CHCHD6: variants seen among roughly 807,000 people sequenced by gnomAD.
CHCHD6 encodes the protein MICOS complex subunit MIC25.
Under a neutral mutation model 32.3 loss-of-function variants are expected in CHCHD6, and 28 were observed. That is an observed-to-expected ratio of 0.87 (90% confidence interval 0.64 to 1.19). The LOEUF (loss-of-function observed/expected upper bound fraction) is 1.19. Among genes scored for constraint, CHCHD6 ranks in the 50% most tolerant of loss-of-function variants. The pLI is 0.00. For synonymous variants in CHCHD6, 122 were observed against 117.5 expected (o/e 1.04, Z -0.25); for missense variants, 333 against 307.0 (o/e 1.08, Z -0.63).
chr3:126,764,247 A>G (rs1937275232), intron 4 of CHCHD6, among the ~76,000 whole-genome samples: 1 of 149,660 alleles, frequency 6.7e-6, no homozygotes. Context: ...TAATACAATT[A>G]CAGCACTAAA....
Position 126,960,405 on chromosome 3 carries a change from G to T in CHCHD6, c.*204G>T. On this transcript the variant is annotated 3_prime_UTR_variant, in exon 8 of 8. Transcript: ENST00000290913. ...GCAGATGCCTTTGTTTTCAGTCGTT[G>T]ACTCACTGGCAAACAGTCACTGCTG... The T allele has an allele frequency of 1.6e-6, 1 of 614,458 alleles. No individual in the cohort carries two copies. Among genetic ancestry groups the T allele is most frequent in the Non-Finnish European group, 2.9e-6 (1 of 346,364 alleles). The allele number at this position is 614,458 out of a possible 1,614,324, so 38.1% of individuals were successfully genotyped here.
chr3:126,815,381 C>T (rs963733467), intron 4 of CHCHD6, among the ~76,000 whole-genome samples: 12 of 152,170 alleles, frequency 7.9e-5, no homozygotes, highest in African/African-American at 2.4e-4. Context: ...CAGATCCACA[C>T]CGCAGCATGG....
intron 5 of CHCHD6, among the ~76,000 whole-genome samples, chr3:126,861,102 T>C (rs964863011): frequency 6.6e-6 from 1 of 152,146 alleles, no homozygotes. Flanking sequence ...GTTTATGTAA[T>C]AAAGGACATA....
chr3:126,715,282 C>T (rs1212496622), intron 1 of CHCHD6, among the ~76,000 whole-genome samples: 1 of 152,178 alleles, frequency 6.6e-6, no homozygotes, highest in African/African-American at 2.4e-5. Flanking sequence ...GCACTTCCCA[C>T]GTTCCACCTC....
intron 4 of CHCHD6, among the ~76,000 whole-genome samples, chr3:126,789,557 C>T (rs888489301): frequency 2.0e-5 from 3 of 152,138 alleles, no homozygotes; most frequent in South Asian, 4.2e-4. Flanking sequence ...TGTTGAATTG[C>T]ACCCTTTACC....
intron 4 of CHCHD6, among the ~76,000 whole-genome samples, chr3:126,775,215 T>C (rs865787903): frequency 6.6e-6 from 1 of 152,228 alleles, no homozygotes; most frequent in Non-Finnish European, 1.5e-5. Context: ...CAGTTTACGT[T>C]CCTACCAGCA....
intron 1 of CHCHD6, among the ~76,000 whole-genome samples, chr3:126,706,444 T>C (rs1934492126): frequency 6.6e-6 from 1 of 152,126 alleles, no homozygotes; most frequent in Non-Finnish European, 1.5e-5. Context: ...CCCCCCATGA[T>C]GTATGCAAGG....
chr3:126,803,678 T>C (rs1382858664), intron 4 of CHCHD6, among the ~76,000 whole-genome samples: 1 of 152,140 alleles, frequency 6.6e-6, no homozygotes, highest in Non-Finnish European at 1.5e-5. Context: ...TTAACAAGGA[T>C]ACCCAGGAAT....
chr3:126,790,687 G>A (rs562673399), intron 4 of CHCHD6, among the ~76,000 whole-genome samples: 1 of 152,192 alleles, frequency 6.6e-6, no homozygotes, highest in Admixed American at 6.5e-5. Context: ...GTCATTTAAG[G>A]CCTTCTCTAC....
intron 4 of CHCHD6, among the ~76,000 whole-genome samples, chr3:126,793,437 A>C (rs975876398): frequency 2.0e-5 from 3 of 152,138 alleles, no homozygotes; most frequent in African/African-American, 7.2e-5. Context: ...TACTTACCAC[A>C]GTCTACTGTA....
At chr3:126,770,035 A>G (rs556561165) in intron 4 of CHCHD6, among the ~76,000 whole-genome samples, 1 of 151,982 alleles carries the variant, frequency 6.6e-6, no homozygotes, top group African/African-American at 2.4e-5. Flanking sequence ...TTGTTTTGTA[A>G]TTCTCATTGT....
rs202046168 is a variant in CHCHD6 at position 126,835,521 on chromosome 3, A to ACACCTGGC, written c.412-17124_412-17117dup. Reference sequence around the variant, plus strand: ...ATTCTCTGGGCATGGAAGACCACACACACCTGGCCGGCTCTGCTCAGTTCA... The same window carrying ACACCTGGC: ...ATTCTCTGGGCATGGAAGACCACACACACCTGGCCACCTGGCCGGCTCTGCTCAGTTCA... On this transcript the variant is annotated intron_variant, in intron 4 of 7. Transcript: ENST00000290913. 3.4e-3 allele frequency among the ~76,000 whole-genome samples: 518 copies of ACACCTGGC among 152,268 alleles called. 1 individual carries two copies. Among genetic ancestry groups the ACACCTGGC allele is most frequent in the African/African-American group, 0.012 (489 of 41,556 alleles).
At chr3:126,730,414 T>C (rs2107658206) in intron 2 of CHCHD6, 147 bp from the exon 3 acceptor site, 1 of 633,878 alleles carries the variant, frequency 1.6e-6, no homozygotes, top group Non-Finnish European at 2.8e-6. Context: ...TCTGCCCCTG[T>C]GGACGCTCCT....
chr3:126,721,495 C>T (rs1461576059), intron 1 of CHCHD6, among the ~76,000 whole-genome samples: 1 of 152,196 alleles, frequency 6.6e-6, no homozygotes, highest in Non-Finnish European at 1.5e-5. Flanking sequence ...ACTGGAATCC[C>T]TCCTTGTGCT....
intron 4 of CHCHD6, among the ~76,000 whole-genome samples, chr3:126,754,242 C>A (rs1029464637): frequency 6.6e-6 from 1 of 152,176 alleles, no homozygotes; most frequent in African/African-American, 2.4e-5. Context: ...ATCACTTTCC[C>A]CATCCGTAAT....
chr3:126,794,414 G>GTATATATTTATATATATACATATATGTT (rs1938693315), intron 4 of CHCHD6, among the ~76,000 whole-genome samples: 1 of 147,400 alleles, frequency 6.8e-6, no homozygotes, highest in African/African-American at 2.5e-5. Context: ...AGTATAGTTT[G>GTATATATTTATATATATACATATATGTT]TATATATTTA....
At chr3:126,707,261 TAA>T (rs74269416) in intron 1 of CHCHD6, among the ~76,000 whole-genome samples, 99 of 135,300 alleles carry the variant, frequency 7.3e-4, no homozygotes, top group Middle Eastern at 3.9e-3. Context: ...GACTCCGTCT[TAA>T]AAAAAAAAAA....
chr3:126,886,338 T>A (rs73861719), intron 5 of CHCHD6, among the ~76,000 whole-genome samples: 8,712 of 152,290 alleles, frequency 0.057, 785 homozygotes, highest in African/African-American at 0.19. Context: ...AAGTTTTAAA[T>A]TGTATGCTGT....
At chr3:126,787,810 CCTTTATTT>C (rs1938299858) in intron 4 of CHCHD6, among the ~76,000 whole-genome samples, 1 of 152,050 alleles carries the variant, frequency 6.6e-6, no homozygotes, top group Non-Finnish European at 1.5e-5. Flanking sequence ...AATTGAATAC[CCTTTATTT>C]CTTTCTCTTG....
Sources: allele counts gnomAD v4.1 joint callset (sites outside exome capture counted in the v4.1 genomes callset), GRCh38; gene constraint gnomAD v4.1.1; transcripts MANE v1.5; gene names NCBI Gene and HGNC (gene_info 2026-07-23, HGNC 2026-07-21).